The following ALDH5A1 variants were observed in gnomAD, a reference collection of about 807,000 sequenced individuals.
ALDH5A1 encodes aldehyde dehydrogenase 5 family member A1, also known as succinate-semialdehyde dehydrogenase, mitochondrial.
Under a neutral mutation model 54.7 loss-of-function variants are expected in ALDH5A1, and 33 were observed. That is an observed-to-expected ratio of 0.60 (90% CI 0.46 to 0.81). The LOEUF (loss-of-function observed/expected upper bound fraction) is 0.81, where lower values mean the gene tolerates loss of function less well. Among genes scored for constraint, ALDH5A1 ranks in the 30% least tolerant of loss-of-function variants. The pLI is 0.00. For synonymous variants in ALDH5A1, 294 were observed against 292.7 expected (o/e 1.00, Z -0.05); for missense variants, 657 against 711.0 (o/e 0.92, Z 0.86).
At chr6:24,526,449 T>A (rs1000842271) in intron 7 of ALDH5A1, among the ~76,000 whole-genome samples, 1 of 151,968 alleles carries the variant, frequency 6.6e-6, no homozygotes, top group East Asian at 1.9e-4. Context: ...AGGCTTAAAG[T>A]ATAATAATAA....
At position 24,522,847 on chromosome 6, in the gene ALDH5A1, G is replaced by A; in HGVS notation, c.1095G>A (p.Lys365=). ...TAAAAGCATTCGCCGAGGCCATGAA[G>A]AAGAACCTGCGCGTAGGTAATGGAT... ...AFVKAFAEAM[K]KNLRVGNGFE... Residue 365 remains lysine (K), a synonymous_variant, in exon 7 of 10, where the codon AAG becomes AAA. Coordinates refer to ENST00000357578, the MANE Select transcript of ALDH5A1 (RefSeq NM_001080.3). 1 of 1,614,142 alleles carries A rather than the reference G, an allele frequency of 6.2e-7. No individual in the cohort carries two copies. The highest frequency in any genetic ancestry group is 8.5e-7 in the Non-Finnish European group (1 of 1,180,020).
chr6:24,533,531 C>G lies in ALDH5A1; in HGVS notation c.1427C>G (p.Ala476Gly). Residue 476 changes from alanine to glycine, a missense_variant, in exon 10 of 10, where the codon GCC becomes GGC. Ala to Gly is a moderately conservative substitution (Grantham distance 60). Around this residue, in one of 2 missense-constraint regions of ALDH5A1, gnomAD observed 425 missense variants for 516.4 expected, o/e 0.82. Transcript: ENST00000357578. Reference protein sequence around the residue: ...LAGYFYSQDPAQIWRVAEQLE... With the variant: ...LAGYFYSQDPGQIWRVAEQLE... ...GGTTATTTTTACTCTCAAGACCCAGCCCAGATCTGGAGAGTGGCAGAGCAG... is the reference window on the plus strand; with the variant it reads ...GGTTATTTTTACTCTCAAGACCCAGGCCAGATCTGGAGAGTGGCAGAGCAG... 6.2e-7 allele frequency: 1 copy of G among 1,614,122 alleles called. No individual in the cohort carries two copies. Among genetic ancestry groups the G allele is most frequent in the Non-Finnish European group, 8.5e-7 (1 of 1,180,020 alleles).
intron 1 of ALDH5A1, among the ~76,000 whole-genome samples, chr6:24,498,848 C>T (rs1764762274): frequency 6.6e-6 from 1 of 152,106 alleles, no homozygotes; most frequent in African/African-American, 2.4e-5. Flanking sequence ...CTTGTAATCC[C>T]AGCACTTTGG....
chr6:24,516,010 G>T (rs1006313353), intron 5 of ALDH5A1, among the ~76,000 whole-genome samples: 31 of 152,256 alleles, frequency 2.0e-4, no homozygotes, highest in African/African-American at 7.0e-4. Context: ...ACAAAAATGT[G>T]TTTAGTCTAA....
chr6:24,528,364 A>AT lies in ALDH5A1; in HGVS notation c.1343+208dup, dbSNP rs199760796. 0.03 allele frequency among the ~76,000 whole-genome samples: 4,532 copies of AT among 149,232 alleles called. 133 individuals are homozygous for AT. Among genetic ancestry groups the AT allele is most frequent in the African/African-American group, 0.067 (2,730 of 40,606 alleles). ...TGGACCATAAAATTTATCAAATTCT[A>AT]TTTTTTTTTTCTTTTTGAGATGGAG... On this transcript the variant is annotated intron_variant, in intron 8 of 9. Coordinates refer to ENST00000357578, the MANE Select transcript of ALDH5A1 (RefSeq NM_001080.3).
At chr6:24,520,600 T>G in intron 6 of ALDH5A1, 56 bp downstream of exon 6, 1 of 1,601,440 alleles carries the variant, frequency 6.2e-7, no homozygotes, top group South Asian at 1.1e-5. Context: ...TGTGAGTGTG[T>G]GTATGTGTGT....
intron 5 of ALDH5A1, among the ~76,000 whole-genome samples, chr6:24,515,733 T>G (rs1759559359): frequency 6.6e-6 from 1 of 152,260 alleles, no homozygotes; most frequent in Admixed American, 6.5e-5. Context: ...AAAAAAGGTC[T>G]GTTGGTTGAA....
intron 7 of ALDH5A1, among the ~76,000 whole-genome samples, chr6:24,525,884 A>G (rs1759789420): frequency 6.6e-6 from 1 of 152,010 alleles, no homozygotes; most frequent in Non-Finnish European, 1.5e-5. Context: ...CATTCCCACC[A>G]TCCCTTCTCA....
At chr6:24,529,801 A>G (rs1759894347) in intron 8 of ALDH5A1, among the ~76,000 whole-genome samples, 1 of 149,436 alleles carries the variant, frequency 6.7e-6, no homozygotes, top group East Asian at 2.0e-4. Flanking sequence ...CCTCCTGAGT[A>G]GCTGGGATTA....
rs1764658487 is a variant in ALDH5A1 at position 24,495,019 on chromosome 6, G to A, written c.23G>A (p.Arg8Gln). 1.5e-6 allele frequency: 2 copies of A among 1,329,942 alleles called. No individual in the cohort carries two copies. Among genetic ancestry groups the A allele is most frequent in the East Asian group, 2.8e-5 (1 of 35,542 alleles). The allele number at this position is 1,329,942 out of a possible 1,614,324, so 82.4% of individuals were successfully genotyped here. ...GCCATGGCGACCTGCATTTGGCTGCGGAGCTGTGGGGCCCGGCGCCTCGGG... is the reference window on the plus strand; with the variant it reads ...GCCATGGCGACCTGCATTTGGCTGCAGAGCTGTGGGGCCCGGCGCCTCGGG... Reference protein sequence around the residue: MATCIWLRSCGARRLGST... With the variant: MATCIWLQSCGARRLGST... Residue 8 changes from arginine to glutamine, a missense_variant, in exon 1 of 10, where the codon CGG becomes CAG. By Grantham distance (43) the Arg-to-Gln change is conservative. Coordinates refer to ENST00000357578, the MANE Select transcript of ALDH5A1 (RefSeq NM_001080.3).
In ALDH5A1 at chr6:24,495,012, T is replaced by C; in HGVS notation, c.16T>C (p.Trp6Arg). ...TGCCCGGGCCATGGCGACCTGCATT[T>C]GGCTGCGGAGCTGTGGGGCCCGGCG... Reference protein sequence around the residue: MATCIWLRSCGARRLG... With the variant: MATCIRLRSCGARRLG... Residue 6 changes from tryptophan to arginine, a missense_variant, in exon 1 of 10, where the codon TGG becomes CGG. Physicochemically the swap from Trp to Arg is moderately radical, Grantham distance 101. Transcript: ENST00000357578. 1 of 1,326,206 alleles carries C rather than the reference T, an allele frequency of 7.5e-7. No individual in the cohort carries two copies. Among genetic ancestry groups the C allele is most frequent in the African/African-American group, 1.5e-5 (1 of 66,364 alleles). 82.2% of individuals were successfully genotyped at this position (1,326,206 alleles called of 1,614,324 possible).
intron 6 of ALDH5A1, among the ~76,000 whole-genome samples, chr6:24,522,437 T>G (rs145991740): frequency 1.8e-3 from 278 of 151,040 alleles, no homozygotes; most frequent in African/African-American, 6.4e-3. Context: ...AAAAGCCATT[T>G]GAAAAAAACA....
Position 24,495,129 on chromosome 6 carries a change from C to T in ALDH5A1, c.133C>T (p.Arg45Cys), listed in dbSNP as rs1045445950. The T allele has an allele frequency of 7.2e-7, 1 of 1,388,486 alleles. No homozygotes were observed. Among genetic ancestry groups the T allele is most frequent in the South Asian group, 1.6e-5 (1 of 60,834 alleles). 86.0% of individuals were successfully genotyped at this position (1,388,486 alleles called of 1,614,324 possible). Residue 45 changes from arginine (R) to cysteine (C), a missense_variant, in exon 1 of 10, where the codon CGC becomes TGC. Transcript: ENST00000357578. ...GCCTGCGCCCGGCCCGGCCCAGCTC[C>T]GCTGCTACGCTGGGCGCCTGGCGGG... ...SGPAPGPAQL[R>C]CYAGRLAGLS...
At chr6:24,505,568 C>A (rs1186556885) in intron 4 of ALDH5A1, among the ~76,000 whole-genome samples, 1 of 152,138 alleles carries the variant, frequency 6.6e-6, no homozygotes, top group African/African-American at 2.4e-5. Flanking sequence ...TTTATACTTT[C>A]CCTCTGTCTG....
At chr6:24,505,388 A>G (rs1180800196) in intron 4 of ALDH5A1, among the ~76,000 whole-genome samples, 3 of 150,826 alleles carry the variant, frequency 2.0e-5, no homozygotes, top group Non-Finnish European at 2.9e-5. Context: ...CACTCAGAGT[A>G]AAGTCCAGAT....
intron 1 of ALDH5A1, among the ~76,000 whole-genome samples, chr6:24,501,910 T>G (rs1430795320): frequency 6.8e-6 from 1 of 147,950 alleles, no homozygotes; most frequent in East Asian, 1.9e-4. Context: ...TGTGTGTGTG[T>G]GTGGGTGTAT....
At chr6:24,525,959 G>A (rs1036729542) in intron 7 of ALDH5A1, among the ~76,000 whole-genome samples, 17 of 151,990 alleles carry the variant, frequency 1.1e-4, no homozygotes, top group African/African-American at 3.4e-4. Flanking sequence ...CAGCTTTTCT[G>A]AAGAAATATA....
intron 7 of ALDH5A1, among the ~76,000 whole-genome samples, chr6:24,523,443 T>C (rs1226972151): frequency 6.6e-6 from 1 of 152,150 alleles, no homozygotes; most frequent in Non-Finnish European, 1.5e-5. Flanking sequence ...CTGAGAAAAG[T>C]GAATTCTGCC....
At chr6:24,520,589 G>A (rs752456949) in intron 6 of ALDH5A1, 45 bp downstream of exon 6, 9 of 1,608,274 alleles carry the variant, frequency 5.6e-6, no homozygotes, top group Non-Finnish European at 7.6e-6. Flanking sequence ...GCGTGTGCAT[G>A]TGTGAGTGTG....
Sources: allele counts gnomAD v4.1 joint callset (sites outside exome capture counted in the v4.1 genomes callset), GRCh38; gene constraint gnomAD v4.1.1; regional missense constraint gnomAD v4.1.1; transcripts MANE v1.5; gene names NCBI Gene and HGNC (gene_info 2026-07-23, HGNC 2026-07-21).